The following TGS1 variants were observed in gnomAD, a reference collection of about 807,000 sequenced individuals.
The protein encoded by TGS1 is trimethylguanosine synthase.
TGS1 carries 69 observed loss-of-function variants against 92.2 expected under a neutral mutation model. The ratio of observed to expected loss-of-function variants is 0.75; its 90% CI spans 0.62 to 0.91. TGS1 has a LOEUF of 0.91. TGS1 is among the 40% of genes least tolerant of loss of function. The pLI is 0.00. For missense variants in TGS1, 1,062 were observed against 1,001.2 expected (o/e 1.06, Z -0.82); for synonymous variants, 345 against 338.1 (o/e 1.02, Z -0.22).
intron 10 of TGS1, among the ~76,000 whole-genome samples, chr8:55,805,601 A>ATT (rs1447622419): frequency 1.3e-5 from 2 of 152,184 alleles, no homozygotes; most frequent in Non-Finnish European, 2.9e-5. Context: ...AATTTTAAAA[A>ATT]TTGGCCAGGC....
In TGS1 at chr8:55,808,217, C is replaced by T. The variant is rs1803233339; in HGVS notation, c.2144-2664C>T. On this transcript the variant is annotated intron_variant, in intron 10 of 12. Coordinates refer to ENST00000260129, the MANE Select transcript of TGS1 (RefSeq NM_024831.8). ...TGATAGCCTAGAGACAAGCTACTTT[C>T]ATATTTACGAGAGTAGTGGTTATTT... Among the ~76,000 whole-genome samples the T allele has an allele frequency of 2.0e-5, 3 of 152,320 alleles. 1 individual carries two copies. Among genetic ancestry groups the T allele is most frequent in the Middle Eastern group, 3.4e-3 (1 of 294 alleles).
At chr8:55,796,268 A>AT (rs111385978) in intron 7 of TGS1, 116 bp downstream of exon 7, 20,986 of 624,930 alleles carry the variant, frequency 0.034, 1 homozygote, top group South Asian at 0.042. Flanking sequence ...AAGGTACATA[A>AT]TTTTTTTTTT....
chr8:55,773,858 A>G, intron 1 of TGS1, 139 bp downstream of exon 1: 1 of 660,894 alleles, frequency 1.5e-6, no homozygotes, highest in South Asian at 1.8e-5. Context: ...TAAGAAAAAC[A>G]AAACCCTCAG....
chr8:55,823,443 C>T (rs1195014111), intron 12 of TGS1, among the ~76,000 whole-genome samples: 1 of 152,178 alleles, frequency 6.6e-6, no homozygotes, highest in Non-Finnish European at 1.5e-5. Flanking sequence ...AGGAGTTAGT[C>T]ACTATATTCT....
Position 55,786,863 on chromosome 8 carries a change from G to A in TGS1, c.965G>A (p.Ser322Asn), listed in dbSNP as rs149584240. The A allele has an allele frequency of 6.9e-5, 111 of 1,613,998 alleles. No homozygotes were observed. Among genetic ancestry groups the A allele is most frequent in the Non-Finnish European group, 9.2e-5 (109 of 1,180,026 alleles). Residue 322 changes from serine to asparagine, a missense_variant, in exon 4 of 13, where the codon AGT (serine) becomes AAT (asparagine). Ser to Asn is a conservative substitution (Grantham distance 46). Transcript: ENST00000260129. ...KDHSEILDGISNIKLNSEEVT... is the reference protein window; with the variant it reads ...KDHSEILDGINNIKLNSEEVT... Reference sequence around the variant, plus strand: ...CATAGTGAAATACTTGATGGAATTAGTAACATAAAACTGAATTCAGAGGAA... The same window carrying A: ...CATAGTGAAATACTTGATGGAATTAATAACATAAAACTGAATTCAGAGGAA...
rs757230801 is a variant in TGS1, at chr8:55,773,640, C to T, written c.22C>T (p.Arg8Cys). MCCEKWS[R>C]VAEMFLFIEE... ...TAAAATGTGCTGCGAGAAGTGGAGC[C>T]GCGTGGCGGAAATGTTTCTCTTCAT... Residue 8 changes from arginine (R) to cysteine (C), a missense_variant, in exon 1 of 13, where the codon CGC (arginine) becomes TGC (cysteine). Coordinates refer to ENST00000260129, the MANE Select transcript of TGS1 (RefSeq NM_024831.8). The T allele has an allele frequency of 6.2e-7, 1 of 1,610,972 alleles. No homozygotes were observed. The highest frequency in any genetic ancestry group is 1.1e-5 in the South Asian group (1 of 90,438).
At chr8:55,779,135 T>C (rs1411349022) in intron 1 of TGS1, among the ~76,000 whole-genome samples, 1 of 152,202 alleles carries the variant, frequency 6.6e-6, no homozygotes, top group Non-Finnish European at 1.5e-5. Flanking sequence ...GTCATTATGC[T>C]CTGTGGATTA....
chr8:55,814,271 T>C (rs1803412853), intron 12 of TGS1, among the ~76,000 whole-genome samples: 1 of 152,144 alleles, frequency 6.6e-6, no homozygotes, highest in Non-Finnish European at 1.5e-5. Context: ...AAAAAACTAC[T>C]GATACTGTAA....
rs138447794 is a variant in TGS1, at chr8:55,825,892, CAG to C, written c.*1192_*1193del. ...TAGCATTCTTTTTTTTTTTTTTAGA[CAG>C]AGTCTTGCTCTGTCGCCCAGGCTGG... On this transcript the variant is annotated 3_prime_UTR_variant, in exon 13 of 13. Coordinates refer to ENST00000260129, the MANE Select transcript of TGS1 (RefSeq NM_024831.8). 0.11 allele frequency among the ~76,000 whole-genome samples: 16,424 copies of C among 147,654 alleles called. 1,082 individuals carry two copies. The highest frequency in any genetic ancestry group is 0.17 in the Middle Eastern group (48 of 288).
chr8:55,776,948 G>T (rs926425429), intron 1 of TGS1, among the ~76,000 whole-genome samples: 1 of 151,332 alleles, frequency 6.6e-6, no homozygotes, highest in Non-Finnish European at 1.5e-5. Flanking sequence ...TTTGTTTGTT[G>T]GTTTTTTTTT....
At chr8:55,815,459 A>C (rs1585793250) in intron 12 of TGS1, among the ~76,000 whole-genome samples, 2 of 152,334 alleles carry the variant, frequency 1.3e-5, no homozygotes, top group South Asian at 4.1e-4. Flanking sequence ...TCACAGTTGC[A>C]AAGAAAATTA....
intron 12 of TGS1, among the ~76,000 whole-genome samples, chr8:55,814,672 A>ATATATATATAT (rs1203670071): frequency 1.0e-4 from 13 of 126,898 alleles, no homozygotes; most frequent in African/African-American, 4.0e-4. Context: ...AAAAAAAAAA[A>ATATATATATAT]AAATATATAT....
In TGS1 at chr8:55,798,426, C is replaced by T. The variant is rs116079232; in HGVS notation, c.1543-488C>T. Reference sequence around the variant, plus strand: ...GATTTTTTTCCAAGGTAGACTGCTTCTATTCTTACAGAAGAATTGGCCCTA... The same window carrying T: ...GATTTTTTTCCAAGGTAGACTGCTTTTATTCTTACAGAAGAATTGGCCCTA... On this transcript the variant is annotated intron_variant, in intron 7 of 12. Transcript: ENST00000260129. Among the ~76,000 whole-genome samples, 890 of 152,272 alleles carry T rather than the reference C, an allele frequency of 5.8e-3. 5 individuals are homozygous for T. Among genetic ancestry groups the T allele is most frequent in the African/African-American group, 0.02 (849 of 41,544 alleles).
intron 10 of TGS1, 129 bp downstream of exon 10, chr8:55,805,165 T>C: frequency 1.6e-6 from 1 of 641,972 alleles, no homozygotes. Context: ...TGATATAAAA[T>C]AATAGCTAGC....
At chr8:55,784,243 T>C (rs1811648831) in intron 2 of TGS1, among the ~76,000 whole-genome samples, 1 of 152,220 alleles carries the variant, frequency 6.6e-6, no homozygotes, top group South Asian at 2.1e-4. Context: ...ATAATTACTA[T>C]TAGATAACCA....
chr8:55,794,872 A>G (rs527733925), intron 6 of TGS1, among the ~76,000 whole-genome samples: 2 of 152,336 alleles, frequency 1.3e-5, no homozygotes, highest in South Asian at 4.1e-4. Context: ...TATCTGTTTC[A>G]TAAGTTGTGA....
chr8:55,787,616 A>G (rs770922569), intron 4 of TGS1, among the ~76,000 whole-genome samples: 7 of 152,264 alleles, frequency 4.6e-5, no homozygotes, highest in Non-Finnish European at 7.3e-5. Context: ...CTAATTGTGC[A>G]AACTGGTGCC....
chr8:55,810,780 AG>A (rs1803316134), intron 10 of TGS1, 100 bp from the exon 11 acceptor site: 2 of 937,560 alleles, frequency 2.1e-6, no homozygotes, highest in Admixed American at 2.0e-5. Context: ...CTTTATAAAG[AG>A]TTCTTATACA....
chr8:55,787,046 A>G lies in TGS1; in HGVS notation c.1148A>G (p.Asp383Gly). Residue 383 changes from aspartate to glycine, a missense_variant, in exon 4 of 13, where the codon GAC (aspartate) becomes GGC (glycine). Physicochemically the swap from Asp to Gly is moderately conservative, Grantham distance 94. Coordinates refer to ENST00000260129, the MANE Select transcript of TGS1 (RefSeq NM_024831.8). ...ESNSSGNTNT[D>G]PPAEDSQKSS... Reference sequence around the variant, plus strand: ...AACTCATCGGGGAATACAAACACAGACCCACCAGCTGAGGGTAAGATTAAC... The same window carrying G: ...AACTCATCGGGGAATACAAACACAGGCCCACCAGCTGAGGGTAAGATTAAC... The G allele has an allele frequency of 6.2e-7, 1 of 1,610,514 alleles. No individual in the cohort carries two copies.
Sources: allele counts gnomAD v4.1 joint callset (sites outside exome capture counted in the v4.1 genomes callset), GRCh38; gene constraint gnomAD v4.1.1; transcripts MANE v1.5; gene names NCBI Gene and HGNC (gene_info 2026-07-23, HGNC 2026-07-21).